Variants in NLRP4 observed in about 807,000 individuals in gnomAD.
NLRP4 encodes NLR family pyrin domain containing 4, also known as NACHT, LRR and PYD domains-containing protein 4.
In NLRP4, 44 loss-of-function variants were observed where a neutral mutation model predicts 84.7. That is an observed-to-expected ratio of 0.52 (90% CI 0.41 to 0.67). NLRP4 has a LOEUF of 0.67. Among genes scored for constraint, NLRP4 ranks in the 30% least tolerant of loss-of-function variants. The pLI is 0.00. For synonymous variants in NLRP4, 544 were observed against 476.4 expected (o/e 1.14, Z -1.85); for missense variants, 1,260 against 1,219.4 (o/e 1.03, Z -0.50).
At chr19:55,869,953 G>A (rs1985110832) in intron 6 of NLRP4, among the ~76,000 whole-genome samples, 1 of 152,032 alleles carries the variant, frequency 6.6e-6, no homozygotes, top group African/African-American at 2.4e-5. Flanking sequence ...AGCTTGGTGT[G>A]GTGGCACGCA....
Position 55,858,936 on chromosome 19 carries a change from C to T in NLRP4, c.1543C>T (p.Leu515=), listed in dbSNP as rs1160871479. The change falls in exon 3 of 10, where the codon CTG becomes TTG. Residue 515 remains leucine (L), a synonymous_variant. Coordinates refer to ENST00000301295, the MANE Select transcript of NLRP4 (RefSeq NM_134444.5). The surrounding 1 kb of genome is among the most constrained non-coding windows in gnomAD (Gnocchi z 4.2). ...GLLNKKEQEK[L]DAFFGFQLSQ... ...TTTAAATAAAAAGGAACAAGAAAAA[C>T]TGGATGCGTTTTTTGGCTTCCAACT... The T allele has an allele frequency of 3.7e-6, 6 of 1,613,838 alleles. No individual in the cohort carries two copies. Among genetic ancestry groups the T allele is most frequent in the Non-Finnish European group, 5.1e-6 (6 of 1,179,928 alleles).
At chr19:55,853,929 TTC>T (rs900993418) in intron 2 of NLRP4, among the ~76,000 whole-genome samples, 6 of 146,512 alleles carry the variant, frequency 4.1e-5, no homozygotes, top group African/African-American at 4.9e-5. Flanking sequence ...CTCTTTCTCT[TTC>T]TCTCTCTCTT....
intron 1 of NLRP4, among the ~76,000 whole-genome samples, chr19:55,850,618 C>T (rs1188465004): frequency 5.4e-5 from 6 of 112,086 alleles, no homozygotes; most frequent in South Asian, 2.8e-4. Context: ...TACGAGGCTG[C>T]GGTGTAATGT....
rs201655032 is a variant in NLRP4, at chr19:55,868,663, TG to T, written c.2354+789del. On this transcript the variant is annotated intron_variant, in intron 6 of 9. Transcript: ENST00000301295. ...GATTACAGGCATGCGCCACCATGCC[TG>T]GCTAATTTTGTATTTTTAGTAGAGA... 6.9e-3 allele frequency among the ~76,000 whole-genome samples: 1,056 copies of T among 152,146 alleles called. 5 individuals are homozygous for T. The highest frequency in any genetic ancestry group is 0.024 in the Middle Eastern group (7 of 294).
At position 55,852,477 on chromosome 19, in the gene NLRP4, T is replaced by A. The variant is rs1024030497; in HGVS notation, c.280+117T>A. The A allele has an allele frequency of 1.4e-3, 123 of 88,726 alleles. No homozygotes were observed. The African/African-American group carries it at 0.023, about 17-fold the overall frequency. 5.5% of individuals were successfully genotyped at this position (88,726 alleles called of 1,614,324 possible). A position where few individuals can be genotyped will look rare whatever the true frequency, so the allele number is the denominator to read the frequency against. The stretch of plus-strand genomic sequence containing the variant: ...GAATGTGCTATGGGAAAATATTAGG[T>A]TTTTTTTTTTTTTTTTTTGGTAGAC... On this transcript the variant is annotated intron_variant, in intron 2 of 9. Coordinates refer to ENST00000301295, the MANE Select transcript of NLRP4 (RefSeq NM_134444.5).
chr19:55,846,400 C>G (rs1190764723), intron 1 of NLRP4, among the ~76,000 whole-genome samples: 1 of 151,964 alleles, frequency 6.6e-6, no homozygotes, highest in African/African-American at 2.4e-5. Context: ...TTGGTACACT[C>G]TGATCTTGAC....
chr19:55,880,214 G>C (rs938449489), intron 9 of NLRP4, among the ~76,000 whole-genome samples: 1 of 151,722 alleles, frequency 6.6e-6, no homozygotes, highest in African/African-American at 2.4e-5. Flanking sequence ...TTGTTTTCTT[G>C]AAGTCCATCC....
At chr19:55,838,342 G>A (rs1983469419) in intron 1 of NLRP4, among the ~76,000 whole-genome samples, 1 of 151,324 alleles carries the variant, frequency 6.6e-6, no homozygotes, top group South Asian at 2.1e-4. Flanking sequence ...AAGCAGAATG[G>A]CATGTGACAA....
In NLRP4 at chr19:55,858,967, A is replaced by C. The variant is rs1464631752; in HGVS notation, c.1574A>C (p.Gln525Pro). ...LDAFFGFQLS[Q>P]EIKQQIHQCL... Reference sequence around the variant, plus strand: ...GCGTTTTTTGGCTTCCAACTGTCCCAAGAGATAAAGCAGCAAATTCACCAG... The same window carrying C: ...GCGTTTTTTGGCTTCCAACTGTCCCCAGAGATAAAGCAGCAAATTCACCAG... Residue 525 changes from glutamine (Q) to proline (P), a missense_variant, in exon 3 of 10, where the codon CAA (glutamine) becomes CCA (proline). This residue lies in a region of NLRP4 where 712 missense variants were observed against 669.2 expected (regional missense o/e 1.06). Transcript: ENST00000301295. The surrounding 1 kb of genome is among the most constrained non-coding windows in gnomAD (Gnocchi z 4.2). The C allele has an allele frequency of 6.2e-7, 1 of 1,614,214 alleles. No homozygotes were observed. The highest frequency in any genetic ancestry group is 8.5e-7 in the Non-Finnish European group (1 of 1,180,050).
rs778366718 is a variant in NLRP4, at chr19:55,858,391, A to T, written c.998A>T (p.Gln333Leu). 6.2e-7 allele frequency: 1 copy of T among 1,614,186 alleles called. No homozygotes were observed. Among genetic ancestry groups the T allele is most frequent in the Middle Eastern group, 1.6e-4 (1 of 6,062 alleles). Residue 333 changes from glutamine (Q) to leucine (L), a missense_variant, in exon 3 of 10, where the codon CAG (glutamine) becomes CTG (leucine). Transcript: ENST00000301295. This position sits in a 1 kb window ranked among gnomAD's most constrained non-coding sequence, Gnocchi z 4.2. Reference protein sequence around the residue: ...EAFNLVRESEQLFSICQIPLL... With the variant: ...EAFNLVRESELLFSICQIPLL... ...TTCAATCTTGTAAGAGAAAGTGAAC[A>T]GCTGTTTTCCATATGCCAAATCCCG...
Position 55,836,858 on chromosome 19 carries a change from G to T in NLRP4, c.-142G>T, listed in dbSNP as rs1159534050. On this transcript the variant is annotated 5_prime_UTR_variant, in exon 1 of 10. Coordinates refer to ENST00000301295, the MANE Select transcript of NLRP4 (RefSeq NM_134444.5). ...GGGAGACCTTGGAGCTTCGAGGGTG[G>T]GAATGTTCTTATTAGATTCTTCATC... 6.6e-6 allele frequency: 1 copy of T among 151,954 alleles called. No homozygotes were observed. The highest frequency in any genetic ancestry group is 1.5e-5 in the Non-Finnish European group (1 of 68,008). 9.4% of individuals were successfully genotyped at this position (151,954 alleles called of 1,614,324 possible). A position where few individuals can be genotyped will look rare whatever the true frequency, so the allele number is the denominator to read the frequency against.
rs369319986 is a variant in NLRP4, at chr19:55,867,454, T to C, written c.2187-255T>C. Among the ~76,000 whole-genome samples the C allele has an allele frequency of 2.1e-3, 287 of 137,690 alleles. 2 individuals are homozygous for C. The highest frequency in any genetic ancestry group is 7.7e-3 in the African/African-American group (281 of 36,452). The allele number at this position is 137,690 out of a possible 152,430, so 90.3% of individuals were successfully genotyped here. A position where few individuals can be genotyped will look rare whatever the true frequency, so the allele number is the denominator to read the frequency against. ...AAGCCAAGCATACGTATAACTGAGA[T>C]GGTGCATCTCAGGTTGGCTGTCTCT... On this transcript the variant is annotated intron_variant, in intron 5 of 9. Transcript: ENST00000301295.
rs369554809 is a variant in NLRP4 at position 55,858,504 on chromosome 19, G to C, written c.1111G>C (p.Val371Leu). Residue 371 changes from valine (V) to leucine (L), a missense_variant, in exon 3 of 10, where the codon GTG becomes CTG. Physicochemically the swap from Val to Leu is conservative, Grantham distance 32 (BLOSUM62 1). This residue lies in a region of NLRP4 where 712 missense variants were observed against 669.2 expected (regional missense o/e 1.06). Coordinates refer to ENST00000301295, the MANE Select transcript of NLRP4 (RefSeq NM_134444.5). The surrounding 1 kb of genome is among the most constrained non-coding windows in gnomAD (Gnocchi z 4.2). ...CCTGACCTGCCAGAGCACTACCTCT[G>C]TGTACTCCTCTTTCGTCTTTAACCT... Reference protein sequence around the residue: ...LALTCQSTTSVYSSFVFNLFT... With the variant: ...LALTCQSTTSLYSSFVFNLFT... The C allele has an allele frequency of 6.2e-7, 1 of 1,614,022 alleles. No homozygotes were observed. The highest frequency in any genetic ancestry group is 8.5e-7 in the Non-Finnish European group (1 of 1,180,044).
At chr19:55,857,403 A>G (rs559856709) in intron 2 of NLRP4, 4 of 486,110 alleles carry the variant, frequency 8.2e-6, no homozygotes, top group African/African-American at 5.8e-5. Flanking sequence ...AGAGGACCAT[A>G]TGGTTTCCAT....
Position 55,836,551 on chromosome 19 carries a change from A to AGGCGTGGAGCGGTGAGTC in NLRP4, c.-448_-431dup, listed in dbSNP as rs1983303580. 6.6e-6 allele frequency: 1 copy of AGGCGTGGAGCGGTGAGTC among 152,256 alleles called. No individual in the cohort carries two copies. The highest frequency in any genetic ancestry group is 1.5e-5 in the Non-Finnish European group (1 of 68,028). The allele number at this position is 152,256 out of a possible 1,614,324, so 9.4% of individuals were successfully genotyped here. ...AGCCGCCAATCATTAAGGACCAGGA[A>AGGCGTGGAGCGGTGAGTC]GGCGTGGAGCGGTGAGTCAGCGCTT... On this transcript the variant is annotated 5_prime_UTR_variant, in exon 1 of 10. Coordinates refer to ENST00000301295, the MANE Select transcript of NLRP4 (RefSeq NM_134444.5).
chr19:55,863,752 G>A (rs1000340965), intron 5 of NLRP4, among the ~76,000 whole-genome samples: 1 of 152,186 alleles, frequency 6.6e-6, no homozygotes, highest in Non-Finnish European at 1.5e-5. Context: ...CTGGATACTG[G>A]TAACTCAAGT....
At chr19:55,856,659 GCA>G (rs1241436486) in intron 2 of NLRP4, among the ~76,000 whole-genome samples, 1 of 151,774 alleles carries the variant, frequency 6.6e-6, no homozygotes, top group Non-Finnish European at 1.5e-5. Context: ...GGGACTACAG[GCA>G]CACACCACCA....
intron 1 of NLRP4, among the ~76,000 whole-genome samples, chr19:55,838,035 C>CCAAAAAAAAAA (rs59078329): frequency 6.0e-5 from 8 of 132,674 alleles, no homozygotes; most frequent in Admixed American, 7.5e-5. Context: ...GACTCGGTCT[C>CCAAAAAAAAAA]AAGCTGGATG....
At chr19:55,839,479 TA>T (rs56042909) in intron 1 of NLRP4, among the ~76,000 whole-genome samples, 40,874 of 135,348 alleles carry the variant, frequency 0.3, 5,873 homozygotes, top group African/African-American at 0.39. Context: ...GGGGAAGAGT[TA>T]AAAAAAAAAA....
Sources: gnomAD v4.1 joint callset for allele counts (sites outside exome capture counted in the v4.1 genomes callset) on GRCh38, gnomAD v4.1.1 for gene constraint, gnomAD v4.1.1 regional missense constraint, Gnocchi (gnomAD v3.1) non-coding constraint, MANE v1.5 for transcripts, NCBI Gene and HGNC (gene_info 2026-07-23, HGNC 2026-07-21) for gene names.